DNAH2: variants seen among roughly 807,000 people sequenced by gnomAD.
DNAH2 encodes the protein axonemal beta dynein heavy chain 2.
Under a neutral mutation model 523.5 loss-of-function variants are expected in DNAH2, and 323 were observed. That is an observed-to-expected ratio of 0.62 (90% confidence interval 0.56 to 0.68). The LOEUF is 0.68. Among genes scored for constraint, DNAH2 ranks in the 30% least tolerant of loss-of-function variants. The pLI, the probability that DNAH2 is intolerant of heterozygous loss-of-function variation, is 0.00. For synonymous variants in DNAH2, 2,093 were observed against 2,177.4 expected, an observed-to-expected ratio of 0.96 and a Z score of 1.08; for missense variants, 4,907 against 5,701.5, an observed-to-expected ratio of 0.86 and a Z score of 4.49.
At position 7,786,785 on chromosome 17, in the gene DNAH2, C is replaced by A; in HGVS notation, c.6466+98C>A. ...GAAGTTCCAAGTTGGGAGAGAAATG[C>A]CTGGGGAATGCTGAAGTACAAGGGA... On this transcript the variant is annotated intron_variant, in intron 41 of 85. Transcript: ENST00000572933. The surrounding 1 kb of genome is among the most constrained non-coding windows in gnomAD (Gnocchi z 7.5). 6.3e-7 allele frequency: 1 copy of A among 1,597,498 alleles called. No individual in the cohort carries two copies. The highest frequency in any genetic ancestry group is 8.6e-7 in the Non-Finnish European group (1 of 1,168,232).
At chr17:7,725,519 G>A (rs1041348785) in intron 3 of DNAH2, among the ~76,000 whole-genome samples, 6 of 150,164 alleles carry the variant, frequency 4.0e-5, no homozygotes, top group Admixed American at 6.7e-5. Flanking sequence ...TGCAACCTCC[G>A]CCTCCCGGGC....
chr17:7,799,036 AC>A (rs1196453355), intron 55 of DNAH2, 66 bp from the exon 56 acceptor site: 1 of 1,584,130 alleles, frequency 6.3e-7, no homozygotes, highest in African/African-American at 1.3e-5. Flanking sequence ...GCCCCACCTG[AC>A]CCGCTGCCCC....
chr17:7,753,271 T>C (rs1336167740), intron 12 of DNAH2, among the ~76,000 whole-genome samples: 1 of 151,824 alleles, frequency 6.6e-6, no homozygotes, highest in African/African-American at 2.4e-5. Flanking sequence ...TCTAGACACA[T>C]TGAGTTTGAG....
intron 63 of DNAH2, among the ~76,000 whole-genome samples, chr17:7,812,941 G>C (rs2077559874): frequency 6.9e-6 from 1 of 144,722 alleles, no homozygotes; most frequent in Non-Finnish European, 1.5e-5. Flanking sequence ...ACAAGAGTGA[G>C]ACTCTGTGTC....
chr17:7,793,471 C>CTTTCT (rs2076966222), intron 48 of DNAH2, among the ~76,000 whole-genome samples: 1 of 130,626 alleles, frequency 7.7e-6, no homozygotes, highest in African/African-American at 2.6e-5. Context: ...TTCTTTCTTT[C>CTTTCT]TTTCTTTCTT....
intron 7 of DNAH2, among the ~76,000 whole-genome samples, chr17:7,735,808 A>G (rs2075125101): frequency 6.6e-6 from 1 of 151,902 alleles, no homozygotes; most frequent in South Asian, 2.1e-4. Flanking sequence ...GCTGGAGTGC[A>G]GTAGCGCGAT....
In DNAH2 at chr17:7,831,700, C is replaced by G. The variant is rs1329700426; in HGVS notation, c.12651C>G (p.Leu4217=). The G allele has an allele frequency of 6.2e-7, 1 of 1,614,182 alleles. No individual in the cohort carries two copies. The highest frequency in any genetic ancestry group is 1.7e-5 in the Admixed American group (1 of 60,022). Residue 4217 remains leucine (L), a synonymous_variant, in exon 82 of 86, where the codon CTC becomes CTG. Transcript: ENST00000572933. This position sits in a 1 kb window ranked among gnomAD's most constrained non-coding sequence, Gnocchi z 4.2. The part of the protein sequence containing the change: ...LTDLEKGIQG[L]IVMSTSLEEI... Reference sequence around the variant, plus strand: ...ACCTAGAGAAAGGCATCCAGGGTCTCATCGTCATGTCTACAAGCCTGGAAG... The same window carrying G: ...ACCTAGAGAAAGGCATCCAGGGTCTGATCGTCATGTCTACAAGCCTGGAAG...
At position 7,799,110 on chromosome 17, in the gene DNAH2, C is replaced by T. The variant is rs752540490; in HGVS notation, c.8567C>T (p.Ser2856Leu). The change falls in exon 56 of 86, where the codon TCG becomes TTG. Residue 2856 changes from serine to leucine, a missense_variant. Physicochemically the swap from Ser to Leu is moderately radical, Grantham distance 145 (BLOSUM62 -2). Transcript: ENST00000572933. ...TGGGTGGCTTCTGTCCAGATCCAGT[C>T]GCATATCATAGACCAGGCCCGGGTG... ...YKPDEFEEIQ[S>L]HIIDQARVEQ... The T allele has an allele frequency of 1.1e-5, 18 of 1,613,946 alleles. 1 individual carries two copies. The Admixed American group carries it at 1.7e-4, about 15-fold the overall frequency.
At chr17:7,794,644 G>A (rs1294899801) in intron 49 of DNAH2, among the ~76,000 whole-genome samples, 8 of 152,156 alleles carry the variant, frequency 5.3e-5, no homozygotes. Flanking sequence ...CAAAGCCCAC[G>A]GCAGTGTCAG....
In DNAH2 at chr17:7,740,413, G is replaced by A. The variant is rs896878820; in HGVS notation, c.1377-7G>A. The A allele has an allele frequency of 3.1e-6, 5 of 1,613,992 alleles. No individual in the cohort carries two copies. The highest frequency in any genetic ancestry group is 4.2e-6 in the Non-Finnish European group (5 of 1,179,918). ...CTCAGCTGCCACATGCCTCTCCACC[G>A]GTGCAGGTTCCGTGCCGGAATCAAG... On this transcript the variant is annotated splice_region_variant and splice_polypyrimidine_tract_variant and intron_variant, in intron 9 of 85. Coordinates refer to ENST00000572933, the MANE Select transcript of DNAH2 (RefSeq NM_020877.5).
In DNAH2 at chr17:7,832,019, A is replaced by C. The variant is rs560171670; in HGVS notation, c.12726+244A>C. Among the ~76,000 whole-genome samples, 14 of 152,304 alleles carry C rather than the reference A, an allele frequency of 9.2e-5. No homozygotes were observed. The highest frequency in any genetic ancestry group is 2.1e-4 in the Non-Finnish European group (14 of 68,030). ...CTCCAAGGATGTTTCAGAGATTCCC[A>C]GTATTGTGCCTACCACTCAGTAGGT... On this transcript the variant is annotated intron_variant, in intron 82 of 85. Transcript: ENST00000572933. This position sits in a 1 kb window ranked among gnomAD's most constrained non-coding sequence, Gnocchi z 4.3.
chr17:7,733,198 C>G lies in DNAH2; in HGVS notation c.511C>G (p.Leu171Val), dbSNP rs1036699012. The change falls in exon 5 of 86, where the codon CTG (leucine) becomes GTG (valine). Residue 171 changes from leucine (L) to valine (V), a missense_variant. By Grantham distance (32) the Leu-to-Val change is conservative. This residue lies in a region of DNAH2 where 2,806 missense variants were observed against 3,190.8 expected (regional missense o/e 0.88). Transcript: ENST00000572933. Reference protein sequence around the residue: ...GTVRGPYIPALLRLLGGVFAP... With the variant: ...GTVRGPYIPAVLRLLGGVFAP... Reference sequence around the variant, plus strand: ...GGTGCGGGGCCCCTATATCCCGGCCCTGCTTCGGCTGCTCGGTGGAGTCTT... The same window carrying G: ...GGTGCGGGGCCCCTATATCCCGGCCGTGCTTCGGCTGCTCGGTGGAGTCTT... The G allele has an allele frequency of 3.1e-6, 5 of 1,614,218 alleles. No individual in the cohort carries two copies. The highest frequency in any genetic ancestry group is 4.2e-6 in the Non-Finnish European group (5 of 1,180,048).
chr17:7,738,108 A>G, intron 8 of DNAH2: 1 of 703,520 alleles, frequency 1.4e-6, no homozygotes, highest in Non-Finnish European at 2.6e-6. Flanking sequence ...CAGGCTGTGC[A>G]GATGCACATC....
At position 7,768,019 on chromosome 17, in the gene DNAH2, C is replaced by T. The variant is rs185730860; in HGVS notation, c.3795C>T (p.His1265=). The T allele has an allele frequency of 8.5e-4, 1,380 of 1,614,094 alleles. 22 individuals carry two copies. The Admixed American group carries it at 0.021, about 25-fold the overall frequency. ...CGGAAACCATGGAGACCACGGCCCA[C>T]GGGCTGTTTCGTCGCCTCACAAAAT... ...LQTETMETTA[H]GLFRRLTKLA... is the part of the protein sequence containing the mutation. Residue 1265 remains histidine (H), a synonymous_variant, in exon 23 of 86, where the codon CAC becomes CAT. Coordinates refer to ENST00000572933, the MANE Select transcript of DNAH2 (RefSeq NM_020877.5).
Position 7,737,160 on chromosome 17 carries a change from T to G in DNAH2, c.1072T>G (p.Ser358Ala). The G allele has an allele frequency of 1.9e-6, 3 of 1,614,106 alleles. No homozygotes were observed. The highest frequency in any genetic ancestry group is 2.5e-6 in the Non-Finnish European group (3 of 1,180,014). Residue 358 changes from serine to alanine, a missense_variant, in exon 8 of 86, where the codon TCT (serine) becomes GCT (alanine). Physicochemically the swap from Ser to Ala is moderately conservative, Grantham distance 99 (BLOSUM62 1). This residue lies in a region of DNAH2 where 2,806 missense variants were observed against 3,190.8 expected (regional missense o/e 0.88). Transcript: ENST00000572933. ...ELAFMKPKDISSKLPKLISLI... is the reference protein window; with the variant it reads ...ELAFMKPKDIASKLPKLISLI... ...GGCTTTCATGAAGCCCAAGGACATC[T>G]CTAGCAAGCTCCCTAAGCTGATCAG...
At chr17:7,806,530 G>T (rs898094765) in intron 61 of DNAH2, among the ~76,000 whole-genome samples, 2 of 151,546 alleles carry the variant, frequency 1.3e-5, no homozygotes, top group Non-Finnish European at 2.9e-5. Flanking sequence ...GTGGTGGCAG[G>T]CACCTGTAGT....
rs377699048 is a variant in DNAH2, at chr17:7,818,809, C to G, written c.10670+33C>G. 8 of 1,612,976 alleles carry G rather than the reference C, an allele frequency of 5.0e-6. No individual in the cohort carries two copies. The African/African-American group carries it at 1.1e-4, about 22-fold the overall frequency. On this transcript the variant is annotated intron_variant, in intron 70 of 85. Transcript: ENST00000572933. ...CCTGCCTTCCCCTCCCACTGCCCCA[C>G]GGGTCTACTCCCAGCCAGCCTCCAC...
At chr17:7,816,502 C>A in intron 63 of DNAH2, 69 bp from the exon 64 acceptor site, 1 of 1,571,446 alleles carries the variant, frequency 6.4e-7, no homozygotes, top group South Asian at 1.1e-5. Context: ...ATGGCAGAGT[C>A]ATGATGTGAA....
chr17:7,734,122 C>T, intron 5 of DNAH2, 61 bp from the exon 6 acceptor site: 1 of 1,443,190 alleles, frequency 6.9e-7, no homozygotes, highest in South Asian at 1.3e-5. Context: ...AACCGTGATT[C>T]CTACGGGGCC....
Sources: allele counts gnomAD v4.1 joint callset (sites outside exome capture counted in the v4.1 genomes callset), GRCh38; gene constraint gnomAD v4.1.1; regional missense constraint gnomAD v4.1.1; non-coding constraint Gnocchi (gnomAD v3.1); transcripts MANE v1.5; gene names NCBI Gene and HGNC (gene_info 2026-07-23, HGNC 2026-07-21).